The following FBXO47 variants were observed in gnomAD, a reference collection of about 807,000 sequenced individuals.
The protein encoded by FBXO47 is F-box only protein 47.
In FBXO47, 34 loss-of-function variants were observed where a neutral mutation model predicts 53.9. The ratio of observed to expected loss-of-function variants is 0.63; its 90% CI spans 0.48 to 0.84. The LOEUF is 0.84. Ranked by LOEUF, FBXO47 falls within the 40% of genes least tolerant of loss-of-function variation. The pLI, the probability that FBXO47 is intolerant of heterozygous loss-of-function variation, is 0.00. For missense variants in FBXO47, 485 were observed against 541.3 expected (o/e 0.90, Z 1.03); for synonymous variants, 165 against 181.6 (o/e 0.91, Z 0.73).
At chr17:38,954,281 G>C (rs1905446136) in intron 5 of FBXO47, among the ~76,000 whole-genome samples, 2 of 151,972 alleles carry the variant, frequency 1.3e-5, no homozygotes, top group South Asian at 4.1e-4. Context: ...CTGGGTGACA[G>C]AGTAAGACTC....
chr17:38,938,906 T>A (rs1356642467), intron 9 of FBXO47, among the ~76,000 whole-genome samples, 174 bp from the exon 10 acceptor site: 1 of 152,170 alleles, frequency 6.6e-6, no homozygotes, highest in Admixed American at 6.5e-5. Context: ...TATTTTGCTT[T>A]CAAATGGTAC....
In FBXO47 at chr17:38,938,578, ATAAT is replaced by A; in HGVS notation, c.1234_1237del (p.Ile412CysfsTer13). On this transcript the variant is annotated frameshift_variant, in exon 10 of 11. Transcript: ENST00000378079. LOFTEE classifies it high-confidence loss of function. ...CCAAGTACATTCCTACTCACCAGAC[ATAAT>A]TGATTGCAGCATTTCCATTATAACA... 1 of 1,610,926 alleles carries A rather than the reference ATAAT, an allele frequency of 6.2e-7. No homozygotes were observed. The highest frequency in any genetic ancestry group is 8.5e-7 in the Non-Finnish European group (1 of 1,178,040).
chr17:38,938,462 C>CTT (rs57980928), intron 10 of FBXO47, 111 bp downstream of exon 10: 425 of 599,176 alleles, frequency 7.1e-4, no homozygotes, highest in Non-Finnish European at 7.8e-4. Flanking sequence ...ATAGAAATAG[C>CTT]TTTTTTTTTT....
chr17:38,952,500 G>A (rs1905345183), intron 5 of FBXO47, among the ~76,000 whole-genome samples: 1 of 151,778 alleles, frequency 6.6e-6, no homozygotes, highest in African/African-American at 2.4e-5. Flanking sequence ...TGGTTGGAAA[G>A]GAAGTATCTT....
chr17:38,939,657 T>TC (rs980914426), intron 9 of FBXO47, among the ~76,000 whole-genome samples: 5 of 94,430 alleles, frequency 5.3e-5, no homozygotes, highest in African/African-American at 1.4e-4. Context: ...GGTTTCTTTT[T>TC]TTTTTTTTTT....
intron 4 of FBXO47, among the ~76,000 whole-genome samples, chr17:38,955,958 CAAAAAAAA>C (rs34218216): frequency 0.014 from 417 of 30,274 alleles, 1 homozygote; most frequent in African/African-American, 0.051. Flanking sequence ...ACTCCATCTC[CAAAAAAAA>C]AAAAAAAAAA....
chr17:38,940,121 A>G (rs1471096050), intron 9 of FBXO47, among the ~76,000 whole-genome samples: 2 of 152,044 alleles, frequency 1.3e-5, no homozygotes, highest in Non-Finnish European at 2.9e-5. Flanking sequence ...AAAGCACTGT[A>G]TTATGAACTA....
At chr17:38,942,403 G>C (rs563546856) in intron 9 of FBXO47, among the ~76,000 whole-genome samples, 9 of 152,150 alleles carry the variant, frequency 5.9e-5, no homozygotes, top group African/African-American at 1.9e-4. Context: ...GACCAGCCTG[G>C]CCAGCATAGT....
intron 6 of FBXO47, among the ~76,000 whole-genome samples, chr17:38,946,137 TAAATATATAAATACATAA>T (rs1401281055): frequency 1.6e-5 from 2 of 121,782 alleles, no homozygotes; most frequent in Non-Finnish European, 3.2e-5. Context: ...TATACATATA[TAAATATATAAATACATAA>T]AAATATATAA....
At position 38,954,900 on chromosome 17, in the gene FBXO47, G is replaced by C; in HGVS notation, c.463C>G (p.Pro155Ala). Residue 155 changes from proline (P) to alanine (A), a missense_variant, in exon 5 of 11, where the codon CCT (proline) becomes GCT (alanine). Coordinates refer to ENST00000378079, the MANE Select transcript of FBXO47 (RefSeq NM_001008777.3). ...SCFKFNGCAA[P>A]MQCLGLTCYG... ...CATGTTAATCCTAAACACTGCATAG[G>C]AGCTGCACAGCCATTGAATTTAAAG... 1 of 1,610,190 alleles carries C rather than the reference G, an allele frequency of 6.2e-7. No individual in the cohort carries two copies. The highest frequency in any genetic ancestry group is 1.3e-5 in the African/African-American group (1 of 74,740).
chr17:38,954,304 T>A (rs867030989), intron 5 of FBXO47, among the ~76,000 whole-genome samples: 6 of 151,446 alleles, frequency 4.0e-5, no homozygotes, highest in African/African-American at 7.3e-5. Flanking sequence ...TCTCAAAAAA[T>A]AAATAAATAA....
intron 3 of FBXO47, among the ~76,000 whole-genome samples, chr17:38,961,142 A>G (rs1905796835): frequency 6.6e-6 from 1 of 152,172 alleles, no homozygotes; most frequent in South Asian, 2.1e-4. Context: ...CTTAAATCTA[A>G]GCATCCTTGG....
At chr17:38,947,105 A>AATAT (rs201536038) in intron 6 of FBXO47, among the ~76,000 whole-genome samples, 1 of 90,560 alleles carries the variant, frequency 1.1e-5, no homozygotes, top group Non-Finnish European at 2.7e-5. Context: ...CATATATATA[A>AATAT]ACATATATAT....
At chr17:38,940,469 C>A (rs1225337886) in intron 9 of FBXO47, among the ~76,000 whole-genome samples, 2 of 151,876 alleles carry the variant, frequency 1.3e-5, no homozygotes, top group Non-Finnish European at 2.9e-5. Flanking sequence ...TCAAGCTCCA[C>A]AGAATGGCCC....
chr17:38,941,669 T>C (rs1352006262), intron 9 of FBXO47, among the ~76,000 whole-genome samples: 2 of 148,172 alleles, frequency 1.3e-5, no homozygotes, highest in Non-Finnish European at 3.0e-5. Flanking sequence ...TATGTGTGTG[T>C]GCGTGTGTGT....
chr17:38,962,359 T>TA (rs1905853674), intron 2 of FBXO47, among the ~76,000 whole-genome samples: 1 of 152,168 alleles, frequency 6.6e-6, no homozygotes, highest in Non-Finnish European at 1.5e-5. Context: ...CTCATGCCTG[T>TA]AATCCCAGTA....
chr17:38,950,489 G>A (rs1295322686), intron 6 of FBXO47, among the ~76,000 whole-genome samples: 6 of 142,126 alleles, frequency 4.2e-5, no homozygotes, highest in East Asian at 4.1e-4. Flanking sequence ...TTTGGAGATC[G>A]GGATCTTGCT....
At chr17:38,937,326 A>G (rs757415640) in intron 10 of FBXO47, 36 bp from the exon 11 acceptor site, 1 of 826,192 alleles carries the variant, frequency 1.2e-6, no homozygotes, top group Non-Finnish European at 1.9e-6. Context: ...AGAAAATGAC[A>G]GTTAAAATGT....
chr17:38,937,259 C>A lies in FBXO47; in HGVS notation c.1275G>T (p.Leu425Phe), dbSNP rs1233339085. ...GDRDEDDRSFLNLFHLVHAQA... is the reference protein window; with the variant it reads ...GDRDEDDRSFFNLFHLVHAQA... ...GAGCATGTACAAGATGGAACAAATT[C>A]AAAAAGCTTCTGTCATCTTCATCAC... The change falls in exon 11 of 11, where the codon TTG becomes TTT. Residue 425 changes from leucine (L) to phenylalanine (F), a missense_variant. Coordinates refer to ENST00000378079, the MANE Select transcript of FBXO47 (RefSeq NM_001008777.3). 6.2e-7 allele frequency: 1 copy of A among 1,607,612 alleles called. No individual in the cohort carries two copies. The highest frequency in any genetic ancestry group is 1.1e-5 in the South Asian group (1 of 90,670).
Sources: gnomAD v4.1 joint callset for allele counts (sites outside exome capture counted in the v4.1 genomes callset) on GRCh38, gnomAD v4.1.1 for gene constraint, MANE v1.5 for transcripts, NCBI Gene and HGNC (gene_info 2026-07-23, HGNC 2026-07-21) for gene names.